The following MAST4 variants were observed in gnomAD, a reference collection of about 807,000 sequenced individuals.
The protein encoded by MAST4 is microtubule associated serine/threonine kinase family member 4.
In MAST4, 89 loss-of-function variants were observed where a neutral mutation model predicts 162.7. The observed-to-expected ratio is 0.55, with a 90% CI of 0.46 to 0.65. The LOEUF is 0.65. MAST4 is among the 30% of genes least tolerant of loss of function. The pLI is 0.00. For synonymous variants in MAST4, 1,479 were observed against 1,361.1 expected (o/e 1.09, Z -1.91); for missense variants, 3,153 against 3,374.0 (o/e 0.93, Z 1.62).
At chr5:66,654,374 G>A (rs1347703965) in intron 1 of MAST4, among the ~76,000 whole-genome samples, 1 of 152,204 alleles carries the variant, frequency 6.6e-6, no homozygotes, top group Non-Finnish European at 1.5e-5. Flanking sequence ...TGTGGTTGCT[G>A]TGGAGTAAGT....
At chr5:67,129,215 T>A in intron 14 of MAST4, among the ~76,000 whole-genome samples, 1 of 152,202 alleles carries the variant, frequency 6.6e-6, no homozygotes, top group East Asian at 1.9e-4. Context: ...ATGCATTTCC[T>A]GTTGAAACGG....
At position 67,163,666 on chromosome 5, in the gene MAST4, T is replaced by G. The variant is rs1460229602; in HGVS notation, c.4487T>G (p.Val1496Gly). Reference protein sequence around the residue: ...LQSLDENVCDVPPLSRARPVE... With the variant: ...LQSLDENVCDGPPLSRARPVE... The stretch of plus-strand genomic sequence containing the variant: ...AGCCTGGATGAGAACGTGTGCGACG[T>G]GCCGCCGCTCAGCCGCGCCCGGCCA... The change falls in exon 29 of 29, where the codon GTG (valine) becomes GGG (glycine). Residue 1496 changes from valine to glycine, a missense_variant. Around this residue, in one of 7 missense-constraint regions of MAST4, gnomAD observed 1,644 missense variants for 1,495.0 expected, o/e 1.10. Coordinates refer to ENST00000403625, the MANE Select transcript of MAST4 (RefSeq NM_001164664.2). The surrounding 1 kb of genome is among the most constrained non-coding windows in gnomAD (Gnocchi z 7.0). 6.2e-7 allele frequency: 1 copy of G among 1,608,330 alleles called. No homozygotes were observed. Among genetic ancestry groups the G allele is most frequent in the East Asian group, 2.2e-5 (1 of 44,684 alleles).
intron 1 of MAST4, among the ~76,000 whole-genome samples, chr5:66,661,007 GT>G (rs968665734): frequency 6.6e-6 from 1 of 152,086 alleles, no homozygotes; most frequent in African/African-American, 2.4e-5. Flanking sequence ...AGCATGTAGC[GT>G]TTTTTTATTG....
rs557541858 is a variant in MAST4 at position 66,974,736 on chromosome 5, G to A, written c.674+74754G>A. Among the ~76,000 whole-genome samples the A allele has an allele frequency of 5.3e-5, 8 of 152,296 alleles. No homozygotes were observed. The South Asian group carries it at 1.7e-3, about 32-fold the overall frequency. On this transcript the variant is annotated intron_variant, in intron 4 of 28. Transcript: ENST00000403625. Reference sequence around the variant, plus strand: ...CCACTAAAAATTGAGTAGAGTAAGGGTTTTATTTTCTAAATGGAAAAAAAT... The same window carrying A: ...CCACTAAAAATTGAGTAGAGTAAGGATTTTATTTTCTAAATGGAAAAAAAT...
At chr5:67,069,287 G>GATATAT (rs6149054) in intron 5 of MAST4, among the ~76,000 whole-genome samples, 38,782 of 107,254 alleles carry the variant, frequency 0.36, 8,142 homozygotes, top group East Asian at 0.46. Context: ...GAGGAGATTG[G>GATATAT]ATATATATAT....
intron 3 of MAST4, among the ~76,000 whole-genome samples, chr5:66,843,418 A>G (rs1467002103): frequency 1.3e-5 from 2 of 152,190 alleles, no homozygotes; most frequent in African/African-American, 4.8e-5. Flanking sequence ...TAGTGCCTTC[A>G]GAATCCTTTT....
chr5:66,712,846 GCTC>G, intron 1 of MAST4, among the ~76,000 whole-genome samples: 1 of 152,280 alleles, frequency 6.6e-6, no homozygotes, highest in Non-Finnish European at 1.5e-5. Context: ...GGTTGAATTT[GCTC>G]CTATTTGGTT....
chr5:66,824,331 C>T (rs1757138420), intron 3 of MAST4, among the ~76,000 whole-genome samples: 1 of 152,162 alleles, frequency 6.6e-6, no homozygotes, highest in African/African-American at 2.4e-5. Context: ...AGTGGTACTC[C>T]TCTCTGTCAC....
intron 1 of MAST4, among the ~76,000 whole-genome samples, chr5:66,743,055 A>G (rs905965189): frequency 4.0e-5 from 6 of 151,638 alleles, no homozygotes; most frequent in African/African-American, 1.5e-4. Context: ...GGAAGCTTCC[A>G]CTCCCTGCGC....
chr5:66,865,761 A>G (rs181993752), intron 3 of MAST4, among the ~76,000 whole-genome samples: 1 of 152,316 alleles, frequency 6.6e-6, no homozygotes, highest in East Asian at 1.9e-4. Flanking sequence ...CAGTAAGTAA[A>G]GATCAGCATT....
At chr5:67,162,585 A>G (rs201143481) in intron 27 of MAST4, 22 bp from the exon 28 acceptor site, 1 of 1,612,344 alleles carries the variant, frequency 6.2e-7, no homozygotes, top group African/African-American at 1.3e-5. Context: ...AGACTGAACA[A>G]TTTTTTCCTG....
intron 5 of MAST4, among the ~76,000 whole-genome samples, chr5:67,071,065 G>A (rs1259845902): frequency 6.6e-6 from 1 of 152,012 alleles, no homozygotes; most frequent in Admixed American, 6.6e-5. Context: ...TTTGGTGGGG[G>A]AGCCAAATTA....
chr5:66,610,003 A>G (rs1743187950), intron 1 of MAST4, among the ~76,000 whole-genome samples: 1 of 152,112 alleles, frequency 6.6e-6, no homozygotes, highest in Non-Finnish European at 1.5e-5. Flanking sequence ...GTCCAAAATC[A>G]GGGTGTTGGC....
chr5:66,838,032 G>T (rs1487383856), intron 3 of MAST4, among the ~76,000 whole-genome samples: 4 of 151,132 alleles, frequency 2.6e-5, no homozygotes, highest in African/African-American at 9.7e-5. Flanking sequence ...TGCCTTGGGG[G>T]GCAATTATCA....
At chr5:66,807,760 C>T (rs868568450) in intron 3 of MAST4, among the ~76,000 whole-genome samples, 27 of 152,296 alleles carry the variant, frequency 1.8e-4, no homozygotes, top group Middle Eastern at 6.8e-3. Context: ...CGCCCTCTCC[C>T]TAAACTGGAT....
chr5:66,808,858 C>T lies in MAST4; in HGVS notation c.642+20064C>T, dbSNP rs60589477. Among the ~76,000 whole-genome samples the T allele has an allele frequency of 6.1e-3, 928 of 152,280 alleles. 9 individuals carry two copies. Among genetic ancestry groups the T allele is most frequent in the African/African-American group, 0.021 (884 of 41,552 alleles). Reference sequence around the variant, plus strand: ...GGAGGCACCTGTGTTCTACTGGAGGCGGTGCATGTGTCCCAGACCAGCCTT... The same window carrying T: ...GGAGGCACCTGTGTTCTACTGGAGGTGGTGCATGTGTCCCAGACCAGCCTT... On this transcript the variant is annotated intron_variant, in intron 3 of 28. Transcript: ENST00000403625.
At chr5:67,064,794 G>C (rs1230879225) in intron 5 of MAST4, among the ~76,000 whole-genome samples, 1 of 152,084 alleles carries the variant, frequency 6.6e-6, no homozygotes. Context: ...TCGACATTGG[G>C]AATTCTTGAG....
chr5:66,687,467 C>CATAGTATTCCA (rs1748735813), intron 1 of MAST4, among the ~76,000 whole-genome samples: 1 of 150,840 alleles, frequency 6.6e-6, no homozygotes, highest in African/African-American at 2.5e-5. Flanking sequence ...CCATAGTATA[C>CATAGTATTCCA]ATGTATATAT....
At chr5:66,883,797 C>A (rs779346957) in intron 3 of MAST4, among the ~76,000 whole-genome samples, 2 of 152,130 alleles carry the variant, frequency 1.3e-5, no homozygotes, top group Non-Finnish European at 2.9e-5. Flanking sequence ...TGCAGGCCTA[C>A]CTATGGTATG....
Sources: allele counts gnomAD v4.1 joint callset (sites outside exome capture counted in the v4.1 genomes callset), GRCh38; gene constraint gnomAD v4.1.1; regional missense constraint gnomAD v4.1.1; non-coding constraint Gnocchi (gnomAD v3.1); transcripts MANE v1.5; gene names NCBI Gene and HGNC (gene_info 2026-07-23, HGNC 2026-07-21).